PPP3CA: variants seen among roughly 807,000 people sequenced by gnomAD.
PPP3CA encodes the protein protein phosphatase 3 catalytic subunit alpha, also known as CAM-PRP catalytic subunit.
A neutral mutation model predicts 66.5 loss-of-function variants in PPP3CA; 14 were observed. That is an observed-to-expected ratio of 0.21 (90% CI 0.14 to 0.33). The LOEUF (loss-of-function observed/expected upper bound fraction) is 0.33. Among genes scored for constraint, PPP3CA ranks in the 10% least tolerant of loss-of-function variants. The pLI, the probability that PPP3CA is intolerant of heterozygous loss-of-function variation, is 1.00. For missense variants in PPP3CA, 317 were observed against 639.5 expected, an observed-to-expected ratio of 0.50 and a Z score of 5.44; for synonymous variants, 232 against 226.2, an observed-to-expected ratio of 1.03 and a Z score of -0.23.
chr4:101,057,196 G>C (rs887638792), intron 10 of PPP3CA, among the ~76,000 whole-genome samples: 3 of 151,782 alleles, frequency 2.0e-5, no homozygotes, highest in African/African-American at 7.3e-5. Flanking sequence ...CTAGGAATAC[G>C]GATGTGCACC....
At chr4:101,168,570 A>T (rs1429502432) in intron 2 of PPP3CA, among the ~76,000 whole-genome samples, 1 of 152,200 alleles carries the variant, frequency 6.6e-6, no homozygotes, top group African/African-American at 2.4e-5. Flanking sequence ...AGAACCTCCA[A>T]GGAGACTAAG....
chr4:101,217,719 T>A (rs765872224), intron 1 of PPP3CA, among the ~76,000 whole-genome samples: 6 of 152,156 alleles, frequency 3.9e-5, no homozygotes, highest in Non-Finnish European at 8.8e-5. Flanking sequence ...TTTCTTCTGT[T>A]GCACAAATCC....
rs143047644 is a variant in PPP3CA at position 101,061,833 on chromosome 4, A to G, written c.1082-672T>C. Among the ~76,000 whole-genome samples the G allele has an allele frequency of 3.9e-3, 592 of 152,150 alleles. 3 individuals are homozygous for G. The highest frequency in any genetic ancestry group is 0.012 in the African/African-American group (483 of 41,542). ...ATTAGTACTGCATTATTTTTATACT[A>G]TAAACCATGCTATTTACATTTAATA... On this transcript the variant is annotated intron_variant, in intron 9 of 13. Transcript: ENST00000394854.
chr4:101,047,312 C>T (rs1233739330), intron 10 of PPP3CA, among the ~76,000 whole-genome samples: 1 of 152,068 alleles, frequency 6.6e-6, no homozygotes, highest in Admixed American at 6.6e-5. Flanking sequence ...AAAATTGTAG[C>T]CTTTATAATT....
chr4:101,090,184 CA>C (rs2110246280), intron 6 of PPP3CA, among the ~76,000 whole-genome samples: 1 of 152,196 alleles, frequency 6.6e-6, no homozygotes, highest in East Asian at 1.9e-4. Flanking sequence ...ACAAAAGGAC[CA>C]AAAAGCTGTA....
At chr4:101,032,213 G>T in intron 12 of PPP3CA, 54 bp downstream of exon 12, 1 of 1,320,274 alleles carries the variant, frequency 7.6e-7, no homozygotes, top group South Asian at 1.6e-5. Context: ...GGGCTCTAAT[G>T]ACACAGCTGA....
intron 6 of PPP3CA, 74 bp downstream of exon 6, chr4:101,093,702 A>C: frequency 7.4e-7 from 1 of 1,349,556 alleles, no homozygotes; most frequent in Non-Finnish European, 9.8e-7. Flanking sequence ...TTATAAATAA[A>C]TCAAACACAT....
intron 1 of PPP3CA, chr4:101,330,206 G>A: frequency 2.5e-6 from 1 of 396,756 alleles, no homozygotes; most frequent in South Asian, 1.9e-5. Context: ...TTCAGAGGAG[G>A]GAGTAACTGC....
rs144369234 is a variant in PPP3CA, at chr4:101,338,963, G to A, written c.58+7776C>T. Among the ~76,000 whole-genome samples, 29 of 152,302 alleles carry A rather than the reference G, an allele frequency of 1.9e-4. No homozygotes were observed. The East Asian group carries it at 5.6e-3, about 29-fold the overall frequency. ...GCTTTTAATTTAACTTGATAAAACA[G>A]CATAACTTACAAGATGTTTTAAAAA... On this transcript the variant is annotated intron_variant, in intron 1 of 13. Coordinates refer to ENST00000394854, the MANE Select transcript of PPP3CA (RefSeq NM_000944.5).
intron 1 of PPP3CA, among the ~76,000 whole-genome samples, chr4:101,278,135 A>AT (rs1560694493): frequency 5.5e-5 from 8 of 145,126 alleles, no homozygotes; most frequent in African/African-American, 1.9e-4. Context: ...AAAAAAAAAA[A>AT]AAAATAAAAA....
At chr4:101,321,680 T>A (rs1024136797) in intron 1 of PPP3CA, among the ~76,000 whole-genome samples, 1 of 152,180 alleles carries the variant, frequency 6.6e-6, no homozygotes, top group African/African-American at 2.4e-5. Context: ...TACCAGTGAA[T>A]AAGCCTCCAA....
chr4:101,245,589 T>C (rs957343774), intron 1 of PPP3CA, among the ~76,000 whole-genome samples: 14 of 152,180 alleles, frequency 9.2e-5, no homozygotes, highest in African/African-American at 3.1e-4. Flanking sequence ...TACTATTTTT[T>C]ACTCCTCTAT....
chr4:101,029,025 A>C, intron 13 of PPP3CA, 141 bp downstream of exon 13: 1 of 660,940 alleles, frequency 1.5e-6, no homozygotes, highest in Non-Finnish European at 2.6e-6. Context: ...CCTTTAAAGC[A>C]AGAACATTTT....
rs751759518 is a variant in PPP3CA at position 101,106,450 on chromosome 4, A to AAAGAAGAGAAGAGAAGAG, written c.384+2503_384+2504insCTCTTCTCTTCTCTTCTT. Among the ~76,000 whole-genome samples, 10 of 11,122 alleles carry AAAGAAGAGAAGAGAAGAG rather than the reference A, an allele frequency of 9.0e-4. 2 individuals carry two copies. Among genetic ancestry groups the AAAGAAGAGAAGAGAAGAG allele is most frequent in the African/African-American group, 2.8e-3 (7 of 2,472 alleles). The allele number at this position is 11,122 out of a possible 152,430, so 7.3% of individuals were successfully genotyped here. On this transcript the variant is annotated intron_variant, in intron 3 of 13. Coordinates refer to ENST00000394854, the MANE Select transcript of PPP3CA (RefSeq NM_000944.5). ...GAAAGAAAGAAAGAAAGAAAGAAAG[A>AAAGAAGAGAAGAGAAGAG]AAGAGAAAAGAAAAGAAAAGAAAAG...
chr4:101,120,467 G>C (rs1721991278), intron 2 of PPP3CA, among the ~76,000 whole-genome samples: 2 of 151,926 alleles, frequency 1.3e-5, no homozygotes, highest in Non-Finnish European at 2.9e-5. Context: ...GTCTCCCGTT[G>C]ATGTCTGATA....
intron 1 of PPP3CA, among the ~76,000 whole-genome samples, chr4:101,342,275 T>C (rs770162572): frequency 2.6e-5 from 4 of 152,172 alleles, no homozygotes; most frequent in Admixed American, 2.0e-4. Flanking sequence ...AGAAAAACTA[T>C]TATCTTCAAA....
intron 12 of PPP3CA, among the ~76,000 whole-genome samples, chr4:101,029,766 G>A (rs1341569982): frequency 1.3e-5 from 2 of 150,416 alleles, no homozygotes; most frequent in Non-Finnish European, 3.0e-5. Context: ...AGGAGATAAT[G>A]GATGTGACTC....
At chr4:101,148,404 C>G (rs140792354) in intron 2 of PPP3CA, among the ~76,000 whole-genome samples, 2 of 152,024 alleles carry the variant, frequency 1.3e-5, no homozygotes, top group Non-Finnish European at 2.9e-5. Context: ...CGTAGTTAGG[C>G]TGTTTATTTA....
At chr4:101,278,149 T>TAAAAA (rs1200528599) in intron 1 of PPP3CA, among the ~76,000 whole-genome samples, 4 of 119,572 alleles carry the variant, frequency 3.3e-5, no homozygotes, top group East Asian at 3.0e-4. Flanking sequence ...ATAAAAAAAT[T>TAAAAA]AAAAAGTTAT....
Sources: gnomAD v4.1 joint callset for allele counts (sites outside exome capture counted in the v4.1 genomes callset) on GRCh38, gnomAD v4.1.1 for gene constraint, MANE v1.5 for transcripts, NCBI Gene and HGNC (gene_info 2026-07-23, HGNC 2026-07-21) for gene names.